The following GRM1 variants were observed in gnomAD, a reference collection of about 807,000 sequenced individuals.
The protein encoded by GRM1 is metabotropic glutamate receptor 1.
GRM1 carries 33 observed loss-of-function variants against 90.9 expected under a neutral mutation model. The ratio of observed to expected loss-of-function variants is 0.36; its 90% CI spans 0.28 to 0.49. The LOEUF (loss-of-function observed/expected upper bound fraction) is 0.49. GRM1 is among the 20% of genes least tolerant of loss of function. The probability of loss-of-function intolerance (pLI) is 0.99; values close to 1 mark genes in which losing one functional copy is unlikely to be tolerated. For missense variants in GRM1, 1,190 were observed against 1,534.3 expected, an observed-to-expected ratio of 0.78 and a Z score of 3.75; for synonymous variants, 700 against 613.2, an observed-to-expected ratio of 1.14 and a Z score of -2.09.
intron 3 of GRM1, among the ~76,000 whole-genome samples, chr6:146,330,553 AT>A (rs1784553694): frequency 6.6e-6 from 1 of 152,094 alleles, no homozygotes; most frequent in African/African-American, 2.4e-5. Context: ...TTTATATTGG[AT>A]TTAAAAAAAA....
intron 5 of GRM1, among the ~76,000 whole-genome samples, chr6:146,379,462 G>T (rs1047255427): frequency 6.7e-6 from 1 of 150,306 alleles, no homozygotes; most frequent in African/African-American, 2.5e-5. Flanking sequence ...TTATCTGATA[G>T]AATTCTGAAT....
intron 3 of GRM1, among the ~76,000 whole-genome samples, chr6:146,343,587 G>C (rs1785058052): frequency 2.6e-5 from 4 of 151,738 alleles, no homozygotes; most frequent in Admixed American, 2.6e-4. Flanking sequence ...CTGATGGTTG[G>C]AAGTCTTTCA....
intron 3 of GRM1, among the ~76,000 whole-genome samples, chr6:146,329,131 TA>T (rs1784502082): frequency 6.6e-6 from 1 of 152,172 alleles, no homozygotes; most frequent in South Asian, 2.1e-4. Context: ...TCTTAGATCA[TA>T]GATTCCTTAA....
intron 2 of GRM1, among the ~76,000 whole-genome samples, chr6:146,246,755 T>G (rs1241973246): frequency 6.6e-6 from 1 of 152,204 alleles, no homozygotes; most frequent in Non-Finnish European, 1.5e-5. Flanking sequence ...TGATACATAT[T>G]GTACTTTGAT....
At chr6:146,229,162 G>C (rs767691396) in intron 2 of GRM1, among the ~76,000 whole-genome samples, 1 of 151,454 alleles carries the variant, frequency 6.6e-6, no homozygotes, top group Non-Finnish European at 1.5e-5. Context: ...CTAATGTATA[G>C]AGTTAGGGAT....
chr6:146,307,881 G>T (rs955561803), intron 3 of GRM1, among the ~76,000 whole-genome samples: 41 of 152,196 alleles, frequency 2.7e-4, no homozygotes, highest in Non-Finnish European at 8.8e-5. Context: ...AGGCTGAGTA[G>T]TTTAGGAATC....
At chr6:146,221,986 C>G (rs189761389) in intron 2 of GRM1, among the ~76,000 whole-genome samples, 1 of 152,212 alleles carries the variant, frequency 6.6e-6, no homozygotes, top group South Asian at 2.1e-4. Context: ...AAAGTAGGCT[C>G]TGAGTCAGAT....
rs747073788 is a variant in GRM1, at chr6:146,040,936, CT to C, written c.700+10728del. Among the ~76,000 whole-genome samples the C allele has an allele frequency of 6.0e-5, 9 of 151,036 alleles. No homozygotes were observed. The South Asian group carries it at 1.3e-3, about 21-fold the overall frequency. ...TTCAGAGGCATTCTTTATTCCTTTT[CT>C]TTTTTTTTCTTTTTTCTCCTCTGAA... On this transcript the variant is annotated intron_variant, in intron 1 of 7. Coordinates refer to ENST00000282753, the MANE Select transcript of GRM1 (RefSeq NM_001278064.2).
At chr6:146,158,257 T>C (rs1777590518) in intron 1 of GRM1, among the ~76,000 whole-genome samples, 1 of 152,110 alleles carries the variant, frequency 6.6e-6, no homozygotes, top group South Asian at 2.1e-4. Context: ...AGAGGTAGAC[T>C]ATGAAATCTA....
At chr6:146,307,963 T>C (rs186061507) in intron 3 of GRM1, among the ~76,000 whole-genome samples, 1 of 152,280 alleles carries the variant, frequency 6.6e-6, no homozygotes, top group African/African-American at 2.4e-5. Flanking sequence ...TATCAAGGGA[T>C]TGGAGGTGTG....
chr6:146,087,440 T>TTG (rs946677149), intron 1 of GRM1, among the ~76,000 whole-genome samples: 7 of 152,162 alleles, frequency 4.6e-5, no homozygotes, highest in South Asian at 4.1e-4. Flanking sequence ...TTACGTGCAC[T>TTG]TGTGTGTGTG....
At chr6:146,080,337 G>T (rs1376543484) in intron 1 of GRM1, among the ~76,000 whole-genome samples, 4 of 152,070 alleles carry the variant, frequency 2.6e-5, no homozygotes, top group African/African-American at 7.3e-5. Flanking sequence ...GCTGTCTTCT[G>T]CCTTCACTGC....
chr6:146,272,657 G>A lies in GRM1; in HGVS notation c.951-31954G>A, dbSNP rs530285747. Among the ~76,000 whole-genome samples the A allele has an allele frequency of 1.1e-3, 175 of 152,302 alleles. 1 individual carries two copies. The highest frequency in any genetic ancestry group is 4.0e-3 in the African/African-American group (168 of 41,570). On this transcript the variant is annotated intron_variant, in intron 2 of 7. Coordinates refer to ENST00000282753, the MANE Select transcript of GRM1 (RefSeq NM_001278064.2). ...GATTTGTAAAGGCTTCATAAAGGATGTTTCATTTAGCTTGATTGTTGGATA... is the reference window on the plus strand; with the variant it reads ...GATTTGTAAAGGCTTCATAAAGGATATTTCATTTAGCTTGATTGTTGGATA...
At chr6:146,378,301 A>T (rs544309963) in intron 5 of GRM1, among the ~76,000 whole-genome samples, 82 of 152,272 alleles carry the variant, frequency 5.4e-4, no homozygotes, top group African/African-American at 1.9e-3. Context: ...TGATAGATCT[A>T]TTCCACTGAC....
At chr6:146,059,438 G>A (rs57806958) in intron 1 of GRM1, among the ~76,000 whole-genome samples, 1,839 of 152,178 alleles carry the variant, frequency 0.012, 32 homozygotes, top group African/African-American at 0.041. Context: ...CAGAAGTGCC[G>A]TCATTCAGGC....
chr6:146,228,949 C>A (rs1050978176), intron 2 of GRM1, among the ~76,000 whole-genome samples: 1 of 151,972 alleles, frequency 6.6e-6, no homozygotes, highest in Non-Finnish European at 1.5e-5. Flanking sequence ...TTTCTGTCTG[C>A]CAACCTAGGA....
intron 2 of GRM1, among the ~76,000 whole-genome samples, chr6:146,168,540 T>C (rs890333710): frequency 6.6e-6 from 1 of 152,070 alleles, no homozygotes; most frequent in Admixed American, 6.6e-5. Flanking sequence ...AAAAACTATT[T>C]ATGACCTTCT....
At chr6:146,217,878 G>T (rs1779929183) in intron 2 of GRM1, among the ~76,000 whole-genome samples, 1 of 152,128 alleles carries the variant, frequency 6.6e-6, no homozygotes, top group Admixed American at 6.5e-5. Flanking sequence ...CTTGAAGGAA[G>T]AATAGATGTT....
intron 2 of GRM1, among the ~76,000 whole-genome samples, chr6:146,262,748 G>A (rs1186095497): frequency 1.3e-5 from 2 of 151,642 alleles, no homozygotes; most frequent in Non-Finnish European, 3.0e-5. Flanking sequence ...CTTGATGTGG[G>A]CAAATGACAT....
Sources: gnomAD v4.1 joint callset for allele counts (sites outside exome capture counted in the v4.1 genomes callset) on GRCh38, gnomAD v4.1.1 for gene constraint, MANE v1.5 for transcripts, NCBI Gene and HGNC (gene_info 2026-07-23, HGNC 2026-07-21) for gene names.